POLA1: variants seen among roughly 807,000 people sequenced by gnomAD.
POLA1 encodes DNA polymerase alpha catalytic subunit.
POLA1 carries 15 observed loss-of-function variants against 124.0 expected under a neutral mutation model. The observed-to-expected ratio is 0.12, with a 90% CI of 0.08 to 0.19. The LOEUF is 0.19. Among genes scored for constraint, POLA1 ranks in the 10% least tolerant of loss-of-function variants. The pLI, the probability that POLA1 is intolerant of heterozygous loss-of-function variation, is 1.00. For synonymous variants in POLA1, 408 were observed against 389.4 expected, an observed-to-expected ratio of 1.05 and a Z score of -0.56; for missense variants, 886 against 1,103.4, an observed-to-expected ratio of 0.80 and a Z score of 2.79.
intron 36 of POLA1, among the ~76,000 whole-genome samples, chrX:24,970,967 G>C (rs1033766972): frequency 8.9e-5 from 10 of 112,384 alleles, no homozygotes; most frequent in Non-Finnish European, 1.1e-4. Context: ...TTCACACGCA[G>C]CATCTGACAC....
At chrX:24,766,759 G>T (rs779705296) in intron 26 of POLA1, among the ~76,000 whole-genome samples, 1 of 110,832 alleles carries the variant, frequency 9.0e-6, no homozygotes, top group Non-Finnish European at 1.9e-5. Context: ...TTGGAGAGGG[G>T]TGGGAGGATT....
At chrX:24,827,637 T>C (rs1232263155) in intron 32 of POLA1, among the ~76,000 whole-genome samples, 3 of 112,314 alleles carry the variant, frequency 2.7e-5, no homozygotes, top group Non-Finnish European at 3.8e-5. Context: ...TTTGACAGCA[T>C]AGGGACCCGG....
chrX:24,778,313 C>T (rs1361475975), intron 26 of POLA1, among the ~76,000 whole-genome samples: 4 of 111,382 alleles, frequency 3.6e-5, no homozygotes, highest in Non-Finnish European at 7.5e-5. Flanking sequence ...TCACTGCACC[C>T]TCCACCTCCC....
chrX:24,709,303 A>C (rs1327182275), intron 4 of POLA1, among the ~76,000 whole-genome samples: 1 of 56,381 alleles, frequency 1.8e-5, no homozygotes, highest in Non-Finnish European at 3.3e-5. Context: ...TGACCCCCCC[A>C]CCTCCCTCCC....
Position 24,733,780 on chromosome X carries a change from T to G in POLA1, c.1797T>G (p.Ile599Met), listed in dbSNP as rs1284730717. 1 of 1,146,214 alleles carries G rather than the reference T, an allele frequency of 8.7e-7. No individual in the cohort carries two copies. Among genetic ancestry groups the G allele is most frequent in the Non-Finnish European group, 1.2e-6 (1 of 843,508 alleles). The allele number at this position is 1,146,214 out of a possible 1,213,427, so 94.5% of individuals were successfully genotyped here. A position where few individuals can be genotyped will look rare whatever the true frequency, so the allele number is the denominator to read the frequency against. ...TTGTGTCTAAACCAAAGGACTGTAT[T>G]TTTCCATATGCTTTCAAAGAAGTCA... Reference protein sequence around the residue: ...FCVVSKPKDCIFPYAFKEVIE... With the variant: ...FCVVSKPKDCMFPYAFKEVIE... The change falls in exon 17 of 37, where the codon ATT (isoleucine) becomes ATG (methionine). Residue 599 changes from isoleucine (I) to methionine (M), a missense_variant. Transcript: ENST00000379068.
intron 30 of POLA1, among the ~76,000 whole-genome samples, chrX:24,816,992 T>G (rs1428642771): frequency 8.9e-6 from 1 of 111,969 alleles, no homozygotes; most frequent in Non-Finnish European, 1.9e-5. Context: ...TTAGTCAGCT[T>G]CAATAATTAT....
chrX:24,794,159 A>G (rs944322600), intron 26 of POLA1, among the ~76,000 whole-genome samples: 5 of 110,150 alleles, frequency 4.5e-5, no homozygotes, highest in Non-Finnish European at 9.5e-5. Context: ...GTATTTTTTT[A>G]GTAGAGATGG....
At chrX:24,909,765 C>G (rs1236062408) in intron 35 of POLA1, among the ~76,000 whole-genome samples, 52 of 110,721 alleles carry the variant, frequency 4.7e-4, no homozygotes, top group African/African-American at 1.7e-3. Context: ...TTTTCCAATT[C>G]TGTGAAGAAA....
chrX:24,976,241 C>T (rs999654619), intron 36 of POLA1, among the ~76,000 whole-genome samples: 1 of 112,060 alleles, frequency 8.9e-6, no homozygotes, highest in African/African-American at 3.2e-5. Context: ...GAAAGGCATG[C>T]CTTGGCCATT....
intron 35 of POLA1, among the ~76,000 whole-genome samples, chrX:24,889,303 C>T (rs749674705): frequency 8.9e-6 from 1 of 112,353 alleles, no homozygotes; most frequent in African/African-American, 3.2e-5. Flanking sequence ...CTGTTGACCC[C>T]TTTGAGCATC....
At chrX:24,706,630 A>G (rs1008242359) in intron 4 of POLA1, among the ~76,000 whole-genome samples, 1 of 112,435 alleles carries the variant, frequency 8.9e-6, no homozygotes, top group Non-Finnish European at 1.9e-5. Flanking sequence ...CTTGTCTTCT[A>G]AAATACACAC....
intron 34 of POLA1, among the ~76,000 whole-genome samples, chrX:24,848,462 T>C (rs1290208902): frequency 1.8e-5 from 2 of 111,891 alleles, no homozygotes; most frequent in Non-Finnish European, 3.8e-5. Context: ...TTGTAGTGTA[T>C]GAAGATTCCA....
Position 24,863,616 on chromosome X carries a change from A to G in POLA1, c.4047+19939A>G, listed in dbSNP as rs768663016. 4.5e-5 allele frequency among the ~76,000 whole-genome samples: 5 copies of G among 111,763 alleles called. No individual in the cohort carries two copies. In the South Asian group the frequency reaches 1.9e-3, roughly 43 times the overall value. On this transcript the variant is annotated intron_variant, in intron 34 of 36. Transcript: ENST00000379068. The stretch of plus-strand genomic sequence containing the variant: ...CTCCCAGCTTTAATCCAAAAGTCAT[A>G]AATTGTAGAACTAACATGTCGTCTA...
chrX:24,814,957 G>GTTTTTTTTTTTTTTTTTTTTGTTTTTTTT, intron 29 of POLA1, 22 bp from the exon 30 acceptor site: 1 of 857,913 alleles, frequency 1.2e-6, no homozygotes, highest in Non-Finnish European at 1.5e-6. Context: ...TCTTTGTTTT[G>GTTTTTTTTTTTTTTTTTTTTGTTTTTTTT]TTTTTTTTTT....
At chrX:24,817,331 C>T in intron 30 of POLA1, among the ~76,000 whole-genome samples, 1 of 111,237 alleles carries the variant, frequency 9.0e-6, no homozygotes, top group Middle Eastern at 4.7e-3. Context: ...TACTGTCGGC[C>T]GGGCGCGGTG....
chrX:24,911,075 A>G (rs867588427), intron 35 of POLA1, among the ~76,000 whole-genome samples: 1 of 112,454 alleles, frequency 8.9e-6, no homozygotes, highest in African/African-American at 3.2e-5. Flanking sequence ...TAAAAGAGTG[A>G]TAACAGGAAA....
At chrX:24,758,456 AT>A (rs1293753769) in intron 26 of POLA1, among the ~76,000 whole-genome samples, 5 of 111,706 alleles carry the variant, frequency 4.5e-5, no homozygotes, top group Non-Finnish European at 5.6e-5. Context: ...TATCTCTAAG[AT>A]GCATGGATAT....
chrX:24,994,542 T>G (rs1418942550), intron 36 of POLA1, among the ~76,000 whole-genome samples: 2 of 112,118 alleles, frequency 1.8e-5, no homozygotes, highest in African/African-American at 6.5e-5. Flanking sequence ...GGCGGAGGCC[T>G]CACCTCAGGA....
intron 36 of POLA1, among the ~76,000 whole-genome samples, chrX:24,959,193 C>T (rs760210522): frequency 8.9e-5 from 10 of 111,763 alleles, no homozygotes; most frequent in African/African-American, 1.6e-4. Context: ...TGGCCAGGCA[C>T]GGTGGCTCAC....
Sources: allele counts gnomAD v4.1 joint callset (sites outside exome capture counted in the v4.1 genomes callset), GRCh38; gene constraint gnomAD v4.1.1; transcripts MANE v1.5; gene names NCBI Gene and HGNC (gene_info 2026-07-23, HGNC 2026-07-21).